Variants in SLC24A2 observed in about 807,000 individuals in gnomAD.
The protein encoded by SLC24A2 is solute carrier family 24 member 2, also known as sodium/potassium/calcium exchanger 2.
Under a neutral mutation model 62.0 loss-of-function variants are expected in SLC24A2, and 36 were observed. The observed-to-expected ratio is 0.58, with a 90% CI of 0.44 to 0.77. The LOEUF (loss-of-function observed/expected upper bound fraction) is 0.77, where lower values mean the gene tolerates loss of function less well. Ranked by LOEUF, SLC24A2 falls within the 30% of genes least tolerant of loss-of-function variation. The probability of loss-of-function intolerance (pLI) is 0.00; values close to 1 mark genes in which losing one functional copy is unlikely to be tolerated. For missense variants in SLC24A2, 846 were observed against 817.9 expected (o/e 1.03, Z -0.42); for synonymous variants, 358 against 294.0 (o/e 1.22, Z -2.23).
chr9:19,601,906 C>T (rs952523291), intron 4 of SLC24A2, among the ~76,000 whole-genome samples: 1 of 152,156 alleles, frequency 6.6e-6, no homozygotes, highest in Admixed American at 6.5e-5. Context: ...AGATAATATT[C>T]ACTAAATATA....
At chr9:20,054,659 T>G in the SLC24A2 span, among the ~76,000 whole-genome samples, 38 of 152,058 alleles carry the variant, frequency 2.5e-4, no homozygotes, top group Non-Finnish European at 5.0e-4. Context: ...CTTAGATCCC[T>G]CAGTTTAGAA....
At chr9:20,128,787 C>A in the SLC24A2 span, among the ~76,000 whole-genome samples, 1 of 152,032 alleles carries the variant, frequency 6.6e-6, no homozygotes, top group African/African-American at 2.4e-5. Context: ...ACCCTTACCT[C>A]ATACCACATA....
intron 2 of SLC24A2, among the ~76,000 whole-genome samples, chr9:19,755,295 T>A (rs190479903): frequency 6.6e-6 from 1 of 152,290 alleles, no homozygotes; most frequent in Admixed American, 6.5e-5. Context: ...TAAGTTCTCA[T>A]AGGACCCTCT....
the SLC24A2 span, among the ~76,000 whole-genome samples, chr9:20,115,445 G>C: frequency 1.1e-4 from 17 of 152,190 alleles, no homozygotes; most frequent in East Asian, 3.1e-3. Context: ...AACTTAGAAA[G>C]ACCCTGATTC....
chr9:20,222,461 G>T, the SLC24A2 span, among the ~76,000 whole-genome samples: 5 of 151,930 alleles, frequency 3.3e-5, no homozygotes, highest in Non-Finnish European at 7.4e-5. Context: ...TATCCCATCT[G>T]GTAATTTCTG....
the SLC24A2 span, among the ~76,000 whole-genome samples, chr9:19,811,480 A>G: frequency 6.6e-6 from 1 of 152,108 alleles, no homozygotes; most frequent in African/African-American, 2.4e-5. Context: ...TATTTGACTT[A>G]CCTATTTTTC....
At chr9:20,225,212 T>G in the SLC24A2 span, among the ~76,000 whole-genome samples, 1 of 152,044 alleles carries the variant, frequency 6.6e-6, no homozygotes, top group Non-Finnish European at 1.5e-5. Context: ...TAATGTAAAA[T>G]GTATTTTTAG....
At chr9:20,173,936 G>T in the SLC24A2 span, among the ~76,000 whole-genome samples, 6 of 151,786 alleles carry the variant, frequency 4.0e-5, no homozygotes, top group African/African-American at 1.4e-4. Flanking sequence ...ATCACATTAT[G>T]TAATTTCAAA....
chr9:19,985,120 A>C, the SLC24A2 span, among the ~76,000 whole-genome samples: 31 of 152,366 alleles, frequency 2.0e-4, no homozygotes, highest in Non-Finnish European at 4.0e-4. Flanking sequence ...AATCTTGTAC[A>C]TAAACAACTA....
Position 19,788,874 on chromosome 9 carries a change from C to G in SLC24A2, c.-154+11G>C. 1 of 985,420 alleles carries G rather than the reference C, an allele frequency of 1.0e-6. No individual in the cohort carries two copies. The highest frequency in any genetic ancestry group is 1.2e-6 in the Non-Finnish European group (1 of 829,916). The allele number at this position is 985,420 out of a possible 1,614,324, so 61.0% of individuals were successfully genotyped here. On this transcript the variant is annotated intron_variant, in intron 1 of 10. Transcript: ENST00000341998. Reference sequence around the variant, plus strand: ...TACAGCGGCAGGCGGGGCGCAGCCGCCCGCACTTACCAGGATAAGATGGGA... The same window carrying G: ...TACAGCGGCAGGCGGGGCGCAGCCGGCCGCACTTACCAGGATAAGATGGGA...
At chr9:19,768,603 C>A (rs1271309031) in intron 2 of SLC24A2, among the ~76,000 whole-genome samples, 2 of 152,186 alleles carry the variant, frequency 1.3e-5, no homozygotes, top group Admixed American at 1.3e-4. Context: ...ATACCCTAGA[C>A]AATGGGATTA....
intron 2 of SLC24A2, among the ~76,000 whole-genome samples, chr9:19,644,357 G>T (rs897326932): frequency 2.6e-5 from 4 of 152,160 alleles, no homozygotes; most frequent in Non-Finnish European, 5.9e-5. Context: ...ATTTTTGAAG[G>T]TAACATTTAT....
At chr9:19,947,425 A>C in the SLC24A2 span, among the ~76,000 whole-genome samples, 1 of 151,724 alleles carries the variant, frequency 6.6e-6, no homozygotes, top group Non-Finnish European at 1.5e-5. Context: ...GAAGGAAGGA[A>C]GGAAAGAAAG....
chr9:19,809,922 C>T, the SLC24A2 span, among the ~76,000 whole-genome samples: 1 of 152,100 alleles, frequency 6.6e-6, no homozygotes, highest in Non-Finnish European at 1.5e-5. Context: ...CTAAACTACT[C>T]GTGTGTGTCC....
chr9:20,244,512 G>A, the SLC24A2 span, among the ~76,000 whole-genome samples: 1 of 152,174 alleles, frequency 6.6e-6, no homozygotes, highest in Non-Finnish European at 1.5e-5. Flanking sequence ...TCAGATTTAT[G>A]CTTGCCTTTG....
chr9:20,017,536 A>C, the SLC24A2 span, among the ~76,000 whole-genome samples: 1 of 152,172 alleles, frequency 6.6e-6, no homozygotes, highest in South Asian at 2.1e-4. Flanking sequence ...GTTTATTAGG[A>C]GAATTGACTC....
chr9:20,041,899 C>G, the SLC24A2 span, among the ~76,000 whole-genome samples: 1 of 152,270 alleles, frequency 6.6e-6, no homozygotes, highest in African/African-American at 2.4e-5. Flanking sequence ...CCCAGAAGCA[C>G]TTGACAGGTA....
the SLC24A2 span, among the ~76,000 whole-genome samples, chr9:20,204,449 T>A: frequency 1.3e-5 from 2 of 152,244 alleles, no homozygotes; most frequent in Non-Finnish European, 2.9e-5. Flanking sequence ...CAAAGAAGAT[T>A]ATTTTTTATG....
chr9:19,913,264 C>T, the SLC24A2 span, among the ~76,000 whole-genome samples: 1 of 152,198 alleles, frequency 6.6e-6, no homozygotes, highest in South Asian at 2.1e-4. Context: ...CAGGCTTATA[C>T]CAGAGATACC....
Sources: gnomAD v4.1 joint callset for allele counts (sites outside exome capture counted in the v4.1 genomes callset) on GRCh38, gnomAD v4.1.1 for gene constraint, MANE v1.5 for transcripts, NCBI Gene and HGNC (gene_info 2026-07-23, HGNC 2026-07-21) for gene names.